Variants in EXT1 observed in about 807,000 individuals in gnomAD.
EXT1 encodes the protein exostosin glycosyltransferase 1.
A neutral mutation model predicts 82.5 loss-of-function variants in EXT1; 20 were observed. The observed-to-expected ratio is 0.24, with a 90% CI of 0.17 to 0.35. The LOEUF is 0.35. Ranked by LOEUF, EXT1 falls within the 10% of genes least tolerant of loss-of-function variation. The pLI is 1.00. For synonymous variants in EXT1, 348 were observed against 350.8 expected (o/e 0.99, Z 0.09); for missense variants, 757 against 936.5 (o/e 0.81, Z 2.50).
chr8:117,853,893 T>C (rs1352229272), intron 1 of EXT1, among the ~76,000 whole-genome samples: 2 of 152,210 alleles, frequency 1.3e-5, no homozygotes, highest in African/African-American at 4.8e-5. Context: ...AGGAAAACCA[T>C]GTTAGAAAAT....
chr8:117,975,875 A>C (rs1815053985), intron 1 of EXT1, among the ~76,000 whole-genome samples: 1 of 152,230 alleles, frequency 6.6e-6, no homozygotes, highest in Non-Finnish European at 1.5e-5. Context: ...ATGTCAACCC[A>C]GGAGTAATTT....
At chr8:117,937,978 G>A (rs917738777) in intron 1 of EXT1, among the ~76,000 whole-genome samples, 6 of 152,184 alleles carry the variant, frequency 3.9e-5, no homozygotes, top group African/African-American at 9.7e-5. Context: ...TAAACAGCTC[G>A]TTTTGAGGGT....
At chr8:118,082,013 AGAG>A (rs1453553714) in intron 1 of EXT1, among the ~76,000 whole-genome samples, 3 of 152,196 alleles carry the variant, frequency 2.0e-5, no homozygotes, top group African/African-American at 7.2e-5. Context: ...TTCTTGTAAA[AGAG>A]GAGTGTGATT....
chr8:117,815,732 A>G (rs1417037687), intron 7 of EXT1, among the ~76,000 whole-genome samples: 1 of 152,126 alleles, frequency 6.6e-6, no homozygotes, highest in Non-Finnish European at 1.5e-5. Context: ...GGAGTTCGAG[A>G]CCAGCCTGAC....
At chr8:117,866,139 C>A (rs563170286) in intron 1 of EXT1, among the ~76,000 whole-genome samples, 1 of 152,082 alleles carries the variant, frequency 6.6e-6, no homozygotes, top group East Asian at 1.9e-4. Context: ...GCAGGAGAAT[C>A]GCTTGAACCC....
At chr8:118,084,706 G>T (rs954993460) in intron 1 of EXT1, among the ~76,000 whole-genome samples, 1 of 152,160 alleles carries the variant, frequency 6.6e-6, no homozygotes, top group Non-Finnish European at 1.5e-5. Flanking sequence ...TTAGGGAAGC[G>T]TTTGATTCCA....
At chr8:118,096,144 A>AG (rs1264166179) in intron 1 of EXT1, among the ~76,000 whole-genome samples, 1 of 152,152 alleles carries the variant, frequency 6.6e-6, no homozygotes, top group East Asian at 1.9e-4. Context: ...ATCTTTTGGG[A>AG]GAAAAACTAC....
intron 1 of EXT1, among the ~76,000 whole-genome samples, chr8:117,842,767 G>A (rs1411029074): frequency 6.6e-6 from 1 of 152,202 alleles, no homozygotes; most frequent in Non-Finnish European, 1.5e-5. Context: ...CTAATTGAAG[G>A]CTTTTGCCTT....
At chr8:117,828,095 A>G (rs1263203526) in intron 4 of EXT1, among the ~76,000 whole-genome samples, 6 of 152,186 alleles carry the variant, frequency 3.9e-5, no homozygotes, top group South Asian at 2.1e-4. Context: ...ACAGGTTACA[A>G]TGCAAGTATA....
chr8:117,913,918 C>T (rs988538210), intron 1 of EXT1, among the ~76,000 whole-genome samples: 2 of 152,202 alleles, frequency 1.3e-5, no homozygotes, highest in South Asian at 2.1e-4. Context: ...CACCTCAGGA[C>T]TTGAACTTTG....
chr8:118,084,386 T>C (rs1817383919), intron 1 of EXT1, among the ~76,000 whole-genome samples: 2 of 152,356 alleles, frequency 1.3e-5, no homozygotes, highest in Admixed American at 1.3e-4. Flanking sequence ...GTACTTGTCA[T>C]AATGCATCTT....
chr8:117,885,959 A>T (rs935836821), intron 1 of EXT1, among the ~76,000 whole-genome samples: 1 of 152,194 alleles, frequency 6.6e-6, no homozygotes, highest in African/African-American at 2.4e-5. Flanking sequence ...GAATGAGCTT[A>T]GAATTTTGAG....
chr8:117,842,348 C>A (rs945908336), intron 1 of EXT1, among the ~76,000 whole-genome samples: 1 of 152,044 alleles, frequency 6.6e-6, no homozygotes, highest in African/African-American at 2.4e-5. Context: ...ATAAGCAAAC[C>A]ATAAAAGGTA....
At chr8:118,093,633 G>A (rs1372372229) in intron 1 of EXT1, among the ~76,000 whole-genome samples, 2 of 152,200 alleles carry the variant, frequency 1.3e-5, no homozygotes, top group Non-Finnish European at 2.9e-5. Flanking sequence ...ATCACATCTG[G>A]ATTTGGTGGC....
At chr8:118,017,120 C>T (rs1244909614) in intron 1 of EXT1, among the ~76,000 whole-genome samples, 5 of 152,188 alleles carry the variant, frequency 3.3e-5, no homozygotes, top group African/African-American at 7.2e-5. Context: ...TGTCCATCAT[C>T]TTGAACGGAA....
chr8:117,806,901 C>T (rs1403625795), intron 9 of EXT1, among the ~76,000 whole-genome samples: 3 of 152,178 alleles, frequency 2.0e-5, no homozygotes, highest in Non-Finnish European at 2.9e-5. Context: ...TAGAACAGTG[C>T]CCTTGGGTGC....
At chr8:117,903,352 T>C (rs1330772969) in intron 1 of EXT1, among the ~76,000 whole-genome samples, 1 of 152,170 alleles carries the variant, frequency 6.6e-6, no homozygotes, top group African/African-American at 2.4e-5. Context: ...GCCCAGACAT[T>C]TGCAGAACAC....
intron 1 of EXT1, among the ~76,000 whole-genome samples, chr8:117,871,151 T>C (rs972857565): frequency 1.3e-5 from 2 of 152,236 alleles, no homozygotes; most frequent in African/African-American, 4.8e-5. Flanking sequence ...CTGCCCTTGT[T>C]TAGTTTTAGC....
chr8:117,952,805 C>A (rs1044115064), intron 1 of EXT1, among the ~76,000 whole-genome samples: 5 of 151,728 alleles, frequency 3.3e-5, no homozygotes, highest in Non-Finnish European at 5.9e-5. Flanking sequence ...CCTCAATATT[C>A]TTTTCCCCAC....
Sources: allele counts gnomAD v4.1 joint callset (sites outside exome capture counted in the v4.1 genomes callset), GRCh38; gene constraint gnomAD v4.1.1; transcripts MANE v1.5; gene names NCBI Gene and HGNC (gene_info 2026-07-23, HGNC 2026-07-21).